Variants in PCLO observed in about 807,000 individuals in gnomAD.
The protein encoded by PCLO is protein piccolo.
Under a neutral mutation model 427.5 loss-of-function variants are expected in PCLO, and 82 were observed. The ratio of observed to expected loss-of-function variants is 0.19; its 90% CI spans 0.16 to 0.23. PCLO has a LOEUF of 0.23. Ranked by LOEUF, PCLO falls within the 10% of genes least tolerant of loss-of-function variation. The pLI is 1.00. For missense variants in PCLO, 6,239 were observed against 6,115.9 expected (o/e 1.02, Z -0.67); for synonymous variants, 2,357 against 2,155.4 (o/e 1.09, Z -2.59).
intron 22 of PCLO, among the ~76,000 whole-genome samples, chr7:82,768,756 C>T (rs1322140487): frequency 1.3e-5 from 2 of 151,976 alleles, no homozygotes; most frequent in Non-Finnish European, 2.9e-5. Context: ...TTAGTATATA[C>T]AATGGCCTTC....
At chr7:83,121,542 A>G (rs2116563267) in intron 3 of PCLO, among the ~76,000 whole-genome samples, 1 of 152,286 alleles carries the variant, frequency 6.6e-6, no homozygotes, top group African/African-American at 2.4e-5. Context: ...ATAACACTGA[A>G]TGTAAATGGA....
In PCLO at chr7:83,154,894, C is replaced by T; in HGVS notation, c.1747G>A (p.Gly583Ser). Residue 583 changes from glycine (G) to serine (S), a missense_variant, in exon 2 of 25, where the codon GGC (glycine) becomes AGC (serine). This residue lies in a region of PCLO where 4,677 missense variants were observed against 4,468.4 expected (regional missense o/e 1.05). Coordinates refer to ENST00000333891, the MANE Select transcript of PCLO (RefSeq NM_033026.6). ...AGAGGACAGATGGTTTTAGGGAGGC[C>T]TTGTGAAGGAGGCTGTTTTGCAGAT... ...SPSAKQPPSQ[G>S]LPKTICPLCN... The T allele has an allele frequency of 1.2e-6, 2 of 1,613,994 alleles. No homozygotes were observed. Among genetic ancestry groups the T allele is most frequent in the Non-Finnish European group, 1.7e-6 (2 of 1,179,894 alleles).
intron 6 of PCLO, among the ~76,000 whole-genome samples, chr7:82,936,916 G>A (rs1794968589): frequency 6.6e-6 from 1 of 151,716 alleles, no homozygotes; most frequent in African/African-American, 2.4e-5. Context: ...AATACTGTAT[G>A]AATCCATTTG....
intron 6 of PCLO, among the ~76,000 whole-genome samples, chr7:82,932,681 A>T (rs894987824): frequency 6.6e-6 from 1 of 152,120 alleles, no homozygotes; most frequent in African/African-American, 2.4e-5. Context: ...TGTTGAAGTC[A>T]TTCAGGATCT....
rs59328364 is a variant in PCLO, at chr7:82,873,179, GTTTTTTT to G, written c.13654+6151_13654+6157del. ...GGCTGTTTGCTATATTATTCTGTAA[GTTTTTTT>G]TTTTTTTTTTTTTTGTACATTCGAA... On this transcript the variant is annotated intron_variant, in intron 10 of 24. Coordinates refer to ENST00000333891, the MANE Select transcript of PCLO (RefSeq NM_033026.6). Among the ~76,000 whole-genome samples the G allele has an allele frequency of 1.7e-3, 182 of 110,108 alleles. 1 individual carries two copies. Among genetic ancestry groups the G allele is most frequent in the Admixed American group, 5.1e-3 (51 of 10,070 alleles). The allele number at this position is 110,108 out of a possible 152,430, so 72.2% of individuals were successfully genotyped here. A position where few individuals can be genotyped will look rare whatever the true frequency, so the allele number is the denominator to read the frequency against.
chr7:82,935,253 T>C (rs1794925974), intron 6 of PCLO, among the ~76,000 whole-genome samples: 1 of 148,656 alleles, frequency 6.7e-6, no homozygotes, highest in South Asian at 2.1e-4. Flanking sequence ...ACAAATTTAA[T>C]CATGTCTTTG....
intron 3 of PCLO, among the ~76,000 whole-genome samples, chr7:82,967,418 G>A (rs1316566062): frequency 2.0e-5 from 3 of 151,814 alleles, no homozygotes; most frequent in African/African-American, 4.8e-5. Flanking sequence ...CAGGTGATCC[G>A]CCCACCTTGG....
intron 10 of PCLO, among the ~76,000 whole-genome samples, chr7:82,860,761 A>T (rs534708073): frequency 1.4e-4 from 21 of 152,254 alleles, no homozygotes; most frequent in Middle Eastern, 3.4e-3. Flanking sequence ...CAACTTTTCA[A>T]GACATAGCAT....
chr7:82,893,894 T>C (rs1584112233), intron 9 of PCLO, among the ~76,000 whole-genome samples: 1 of 152,006 alleles, frequency 6.6e-6, no homozygotes, highest in East Asian at 1.9e-4. Context: ...CTTTCTTTTT[T>C]ATGCACACGA....
At position 83,154,869 on chromosome 7, in the gene PCLO, A is replaced by G; in HGVS notation, c.1772T>C (p.Leu591Pro). 1 of 1,614,046 alleles carries G rather than the reference A, an allele frequency of 6.2e-7. No homozygotes were observed. Among genetic ancestry groups the G allele is most frequent in the Non-Finnish European group, 8.5e-7 (1 of 1,179,890 alleles). Reference protein sequence around the residue: ...SQGLPKTICPLCNTTELLLHV... With the variant: ...SQGLPKTICPPCNTTELLLHV... ...CAACAGAAGTTCAGTGGTATTGCAA[A>G]GAGGACAGATGGTTTTAGGGAGGCC... is the stretch of plus-strand genomic sequence containing the variant. Residue 591 changes from leucine to proline, a missense_variant, in exon 2 of 25, where the codon CTT becomes CCT. Transcript: ENST00000333891.
chr7:82,927,660 G>T (rs888704829), intron 6 of PCLO, among the ~76,000 whole-genome samples: 2 of 152,066 alleles, frequency 1.3e-5, no homozygotes, highest in Admixed American at 1.3e-4. Context: ...TCTCATCATG[G>T]TCTTTTAAAT....
At chr7:82,957,337 G>C (rs1337881836) in intron 4 of PCLO, among the ~76,000 whole-genome samples, 1 of 152,026 alleles carries the variant, frequency 6.6e-6, no homozygotes, top group Non-Finnish European at 1.5e-5. Context: ...TATGAGGTCA[G>C]GTAAAGTTCA....
rs181221834 is a variant in PCLO at position 82,842,996 on chromosome 7, G to C, written c.14047-1487C>G. On this transcript the variant is annotated intron_variant, in intron 13 of 24. Transcript: ENST00000333891. ...ATCCATAATGGAAAACAGTATGGAG[G>C]TTCCTCAAAAAAATTAAAAATAGAG... Among the ~76,000 whole-genome samples the C allele has an allele frequency of 1.8e-3, 277 of 152,102 alleles. 4 individuals are homozygous for C. Among genetic ancestry groups the C allele is most frequent in the African/African-American group, 5.9e-3 (247 of 41,522 alleles).
intron 3 of PCLO, among the ~76,000 whole-genome samples, chr7:83,069,529 T>A (rs1034856079): frequency 2.0e-5 from 3 of 152,182 alleles, no homozygotes; most frequent in African/African-American, 7.2e-5. Flanking sequence ...AAATTTCACA[T>A]AAATTTTAAG....
chr7:83,076,624 CT>C (rs11332065), intron 3 of PCLO, among the ~76,000 whole-genome samples: 48,948 of 129,774 alleles, frequency 0.38, 8,063 homozygotes, highest in Admixed American at 0.43. Context: ...TGTTATTTTC[CT>C]TTTTTTTTTT....
At chr7:82,999,834 AATATAAAATATAATATATAATATT>A (rs1562909750) in intron 3 of PCLO, among the ~76,000 whole-genome samples, 3 of 14,182 alleles carry the variant, frequency 2.1e-4, no homozygotes, top group East Asian at 0.013. Flanking sequence ...TATAATATTA[AATATAAAATATAATATATAATATT>A]ATATAAAATA....
intron 3 of PCLO, among the ~76,000 whole-genome samples, chr7:83,078,589 T>C (rs1168913016): frequency 6.6e-6 from 1 of 151,350 alleles, no homozygotes; most frequent in African/African-American, 2.5e-5. Context: ...TGGAGTGCAG[T>C]GGCGTGATCT....
chr7:83,119,948 G>C (rs1159050216), intron 3 of PCLO, among the ~76,000 whole-genome samples: 2 of 151,576 alleles, frequency 1.3e-5, no homozygotes, highest in Non-Finnish European at 2.9e-5. Flanking sequence ...GCAGAAGAAA[G>C]ATTTAGTGAG....
intron 22 of PCLO, among the ~76,000 whole-genome samples, chr7:82,787,504 T>G (rs549684207): frequency 6.6e-6 from 1 of 152,196 alleles, no homozygotes; most frequent in Non-Finnish European, 1.5e-5. Flanking sequence ...TTTAGTAGAA[T>G]ATTTTATTTA....
Sources: gnomAD v4.1 joint callset for allele counts (sites outside exome capture counted in the v4.1 genomes callset) on GRCh38, gnomAD v4.1.1 for gene constraint, gnomAD v4.1.1 regional missense constraint, MANE v1.5 for transcripts, NCBI Gene and HGNC (gene_info 2026-07-23, HGNC 2026-07-21) for gene names.